The following SSBP2 variants were observed in gnomAD, a reference collection of about 807,000 sequenced individuals.
SSBP2 encodes single stranded DNA binding protein 2, also known as single-stranded DNA-binding protein 2.
Under a neutral mutation model 61.8 loss-of-function variants are expected in SSBP2, and 17 were observed. The observed-to-expected ratio is 0.28, with a 90% CI of 0.19 to 0.41. The LOEUF is 0.41. Among genes scored for constraint, SSBP2 ranks in the 10% least tolerant of loss-of-function variants. SSBP2 has a pLI of 1.00. For synonymous variants in SSBP2, 139 were observed against 141.3 expected, an observed-to-expected ratio of 0.98 and a Z score of 0.12; for missense variants, 310 against 458.7, an observed-to-expected ratio of 0.68 and a Z score of 2.96.
intron 6 of SSBP2, among the ~76,000 whole-genome samples, chr5:81,486,698 G>T (rs1766408106): frequency 6.6e-6 from 1 of 152,130 alleles, no homozygotes; most frequent in African/African-American, 2.4e-5. Context: ...TACCCACAGA[G>T]AAAATAAAAT....
intron 5 of SSBP2, among the ~76,000 whole-genome samples, chr5:81,499,072 T>C (rs184611073): frequency 1.1e-3 from 174 of 152,284 alleles, no homozygotes; most frequent in African/African-American, 3.9e-3. Context: ...GATAAGACAT[T>C]CCTGATTAAC....
intron 2 of SSBP2, among the ~76,000 whole-genome samples, chr5:81,646,102 G>A (rs906555097): frequency 6.6e-6 from 1 of 152,104 alleles, no homozygotes; most frequent in Non-Finnish European, 1.5e-5. Context: ...TGCTTGTTCA[G>A]ATAATGCCTG....
Position 81,640,324 on chromosome 5 carries a change from A to C in SSBP2, c.136-3706T>G, listed in dbSNP as rs561765770. On this transcript the variant is annotated intron_variant, in intron 2 of 16. Transcript: ENST00000320672. ...CACGGCACTCCAGCCTGGGCGACAG[A>C]GTGAGACTCTGTCTCAAAAATAATA... is the stretch of plus-strand genomic sequence containing the variant. Among the ~76,000 whole-genome samples, 49 of 152,278 alleles carry C rather than the reference A, an allele frequency of 3.2e-4. No homozygotes were observed. The South Asian group carries it at 7.5e-3, about 23-fold the overall frequency.
chr5:81,667,592 A>T (rs1751251723), intron 1 of SSBP2, among the ~76,000 whole-genome samples: 1 of 152,112 alleles, frequency 6.6e-6, no homozygotes, highest in African/African-American at 2.4e-5. Context: ...TAGCCAGACT[A>T]ATGTGGCTAG....
chr5:81,419,820 C>G lies in SSBP2; in HGVS notation c.*684G>C, dbSNP rs1221833451. 6.6e-6 allele frequency: 1 copy of G among 152,162 alleles called. No individual in the cohort carries two copies. The highest frequency in any genetic ancestry group is 1.9e-4 in the East Asian group (1 of 5,202). The allele number at this position is 152,162 out of a possible 1,614,324, so 9.4% of individuals were successfully genotyped here. A position where few individuals can be genotyped will look rare whatever the true frequency, so the allele number is the denominator to read the frequency against. On this transcript the variant is annotated 3_prime_UTR_variant, in exon 17 of 17. Transcript: ENST00000320672. ...ATAAAAATTAAAAAAATACTTTTCA[C>G]TGAAGGTAACTGAGAAATTGTTTGA...
intron 4 of SSBP2, among the ~76,000 whole-genome samples, chr5:81,539,591 T>C (rs1166158173): frequency 2.0e-5 from 3 of 152,122 alleles, no homozygotes; most frequent in Non-Finnish European, 4.4e-5. Context: ...GCAAACTTCA[T>C]TGTTGTCTTA....
intron 3 of SSBP2, among the ~76,000 whole-genome samples, chr5:81,629,094 C>G (rs1203960832): frequency 6.6e-6 from 1 of 152,166 alleles, no homozygotes; most frequent in South Asian, 2.1e-4. Context: ...TCAAGCGATT[C>G]ACCCACCTCA....
chr5:81,708,522 T>C (rs1754553789), intron 1 of SSBP2, among the ~76,000 whole-genome samples: 2 of 152,206 alleles, frequency 1.3e-5, no homozygotes, highest in Admixed American at 6.5e-5. Flanking sequence ...GAAATTCATC[T>C]CTCAGATTTT....
intron 4 of SSBP2, among the ~76,000 whole-genome samples, chr5:81,543,709 T>C (rs1472561795): frequency 1.3e-5 from 2 of 152,166 alleles, no homozygotes; most frequent in African/African-American, 4.8e-5. Flanking sequence ...TACTCATGTA[T>C]AGCTTCAACT....
At chr5:81,513,953 G>T (rs1011491337) in intron 4 of SSBP2, among the ~76,000 whole-genome samples, 1 of 151,858 alleles carries the variant, frequency 6.6e-6, no homozygotes, top group African/African-American at 2.4e-5. Context: ...TAAATAATGT[G>T]GTATATTTTG....
intron 12 of SSBP2, among the ~76,000 whole-genome samples, chr5:81,445,447 T>C (rs1028124750): frequency 6.6e-6 from 1 of 152,044 alleles, no homozygotes; most frequent in Admixed American, 6.6e-5. Context: ...GAAGCATTTA[T>C]TATTCACATG....
chr5:81,710,115 C>T (rs1355523882), intron 1 of SSBP2, among the ~76,000 whole-genome samples: 1 of 151,972 alleles, frequency 6.6e-6, no homozygotes, highest in African/African-American at 2.4e-5. Context: ...ATTTTAAAAA[C>T]TCAAACTGTT....
chr5:81,590,521 A>C (rs1288488833), intron 4 of SSBP2, among the ~76,000 whole-genome samples: 1 of 152,228 alleles, frequency 6.6e-6, no homozygotes. Context: ...TAGGAACTCC[A>C]CTAAAATTGT....
At chr5:81,651,426 T>C (rs933219708) in intron 1 of SSBP2, among the ~76,000 whole-genome samples, 1 of 152,184 alleles carries the variant, frequency 6.6e-6, no homozygotes, top group Non-Finnish European at 1.5e-5. Flanking sequence ...AGTTGCTCTG[T>C]CCATTTAATT....
At chr5:81,560,532 G>A (rs371244776) in intron 4 of SSBP2, among the ~76,000 whole-genome samples, 5 of 152,214 alleles carry the variant, frequency 3.3e-5, no homozygotes, top group South Asian at 2.1e-4. Context: ...AGACAGACAC[G>A]GATAGAAAGC....
chr5:81,480,391 T>C (rs1158378046), intron 6 of SSBP2, among the ~76,000 whole-genome samples: 3 of 152,256 alleles, frequency 2.0e-5, no homozygotes, highest in African/African-American at 4.8e-5. Context: ...TACCGTAGTC[T>C]ATTAGGTGTG....
At chr5:81,715,331 C>T (rs1464915386) in intron 1 of SSBP2, among the ~76,000 whole-genome samples, 2 of 152,038 alleles carry the variant, frequency 1.3e-5, no homozygotes, top group Non-Finnish European at 2.9e-5. Context: ...ACAGGGGATC[C>T]AGCACAAGAA....
In SSBP2 at chr5:81,497,275, T is replaced by C. The variant is rs185614586; in HGVS notation, c.373-7966A>G. On this transcript the variant is annotated intron_variant, in intron 5 of 16. Coordinates refer to ENST00000320672, the MANE Select transcript of SSBP2 (RefSeq NM_012446.5). ...GGTACGGTATTAATTATCGTCATTATAACAAAGATGTTCATTATAATGTGG... is the reference window on the plus strand; with the variant it reads ...GGTACGGTATTAATTATCGTCATTACAACAAAGATGTTCATTATAATGTGG... 9.2e-5 allele frequency among the ~76,000 whole-genome samples: 14 copies of C among 152,310 alleles called. No homozygotes were observed. The East Asian group carries it at 2.5e-3, about 27-fold the overall frequency.
intron 14 of SSBP2, 105 bp from the exon 15 acceptor site, chr5:81,437,563 G>C: frequency 1.0e-6 from 1 of 999,630 alleles, no homozygotes; most frequent in Non-Finnish European, 1.5e-6. Flanking sequence ...GTATTTTCCA[G>C]CATATAGCTC....
Sources: gnomAD v4.1 joint callset for allele counts (sites outside exome capture counted in the v4.1 genomes callset) on GRCh38, gnomAD v4.1.1 for gene constraint, MANE v1.5 for transcripts, NCBI Gene and HGNC (gene_info 2026-07-23, HGNC 2026-07-21) for gene names.